The following PHKA1 variants were observed in gnomAD, a reference collection of about 807,000 sequenced individuals.
PHKA1 encodes phosphorylase b kinase regulatory subunit alpha, skeletal muscle isoform.
In PHKA1, 60 loss-of-function variants were observed where a neutral mutation model predicts 110.2. The observed-to-expected ratio is 0.54, with a 90% CI of 0.44 to 0.68. PHKA1 has a LOEUF of 0.68. Among genes scored for constraint, PHKA1 ranks in the 30% least tolerant of loss-of-function variants. The pLI is 0.00. For synonymous variants in PHKA1, 316 were observed against 333.6 expected, an observed-to-expected ratio of 0.95 and a Z score of 0.58; for missense variants, 801 against 942.5, an observed-to-expected ratio of 0.85 and a Z score of 1.97.
chrX:72,618,563 C>A (rs1273047568), intron 21 of PHKA1, 147 bp downstream of exon 21: 5 of 475,690 alleles, frequency 1.1e-5, no homozygotes, highest in Admixed American at 3.3e-5. Flanking sequence ...ATGAGGACAA[C>A]TGAGGGTTTG....
At position 72,580,771 on chromosome X, in the gene PHKA1, T is replaced by A. The variant is rs374264624; in HGVS notation, c.*231A>T. ...GCCAATCATGACAGGCCTGGCTGAG[T>A]GTTCATTATACTCATAAGATTGTCA... On this transcript the variant is annotated 3_prime_UTR_variant, in exon 32 of 32. Transcript: ENST00000373542. 1,516 of 430,941 alleles carry A rather than the reference T, an allele frequency of 3.5e-3. 7 individuals are homozygous for A. Among genetic ancestry groups the A allele is most frequent in the Middle Eastern group, 6.3e-3 (10 of 1,581 alleles). The allele number at this position is 430,941 out of a possible 1,213,427, so 35.5% of individuals were successfully genotyped here.
At chrX:72,619,150 T>A in intron 20 of PHKA1, 64 bp downstream of exon 20, 1 of 685,494 alleles carries the variant, frequency 1.5e-6, no homozygotes, top group Non-Finnish European at 2.4e-6. Flanking sequence ...ACTAGTCCTA[T>A]TATTTCCCAT....
At chrX:72,681,680 A>G (rs1556315510) in intron 5 of PHKA1, among the ~76,000 whole-genome samples, 4 of 82,985 alleles carry the variant, frequency 4.8e-5, no homozygotes, top group African/African-American at 9.5e-5. Flanking sequence ...TGGGGGGGTC[A>G]GCCCCCCACC....
chrX:72,666,740 G>C, intron 7 of PHKA1, among the ~76,000 whole-genome samples: 1 of 111,988 alleles, frequency 8.9e-6, no homozygotes, highest in Middle Eastern at 4.6e-3. Flanking sequence ...AAGCAGGATA[G>C]GGAAGGCTCA....
rs1351723248 is a variant in PHKA1 at position 72,581,172 on chromosome X, T to A, written c.3502A>T (p.Thr1168Ser). The A allele has an allele frequency of 8.5e-7, 1 of 1,179,654 alleles. No individual in the cohort carries two copies. The highest frequency in any genetic ancestry group is 1.8e-5 in the African/African-American group (1 of 56,098). The change falls in exon 32 of 32, where the codon ACC becomes TCC. Residue 1168 changes from threonine (T) to serine (S), a missense_variant. By Grantham distance (58) the Thr-to-Ser change is moderately conservative. Around this residue, in one of 2 missense-constraint regions of PHKA1, gnomAD observed 502 missense variants for 519.2 expected, o/e 0.97. Coordinates refer to ENST00000373542, the MANE Select transcript of PHKA1 (RefSeq NM_002637.4). ...AACATGGTATCATCTGCGCCAAGGG[T>A]TTTCTGTTTGGTTTTTAAGGGTAGA... ...ANDLFLQEQKTLGADDTMLAK... is the reference protein window; with the variant it reads ...ANDLFLQEQKSLGADDTMLAK...
At chrX:72,591,277 C>A (rs1556224667) in intron 29 of PHKA1, among the ~76,000 whole-genome samples, 1 of 111,553 alleles carries the variant, frequency 9.0e-6, no homozygotes, top group African/African-American at 3.3e-5. Flanking sequence ...ATAGACGAAG[C>A]TGGAGACCAT....
chrX:72,618,794 T>G lies in PHKA1; in HGVS notation c.2285A>C (p.Asp762Ala). The G allele has an allele frequency of 8.4e-7, 1 of 1,196,997 alleles. No individual in the cohort carries two copies. Among genetic ancestry groups the G allele is most frequent in the Non-Finnish European group, 1.1e-6 (1 of 882,166 alleles). The change falls in exon 21 of 32, where the codon GAC becomes GCC. Residue 762 changes from aspartate to alanine, a missense_variant. Around this residue, in one of 2 missense-constraint regions of PHKA1, gnomAD observed 502 missense variants for 519.2 expected, o/e 0.97. Transcript: ENST00000373542. Reference protein sequence around the residue: ...HLPRDQSGEVDFKALVLQLKE... With the variant: ...HLPRDQSGEVAFKALVLQLKE... ...CAACTGTAAAACCAGTGCTTTAAAG[T>G]CCACCTCCCCAGACTGGTCTCTAGG...
intron 10 of PHKA1, among the ~76,000 whole-genome samples, chrX:72,655,751 TA>T (rs1556301013): frequency 2.8e-4 from 31 of 110,747 alleles, no homozygotes; most frequent in Non-Finnish European, 4.9e-4. Context: ...GCCTCCCGAG[TA>T]GCTGGGACTA....
chrX:72,685,180 CA>C (rs2053953908), intron 4 of PHKA1, among the ~76,000 whole-genome samples: 1 of 111,490 alleles, frequency 9.0e-6, no homozygotes, highest in Non-Finnish European at 1.9e-5. Context: ...ATGTAACTAA[CA>C]AATAGTGGAA....
At chrX:72,637,037 T>C (rs1383807381) in intron 14 of PHKA1, among the ~76,000 whole-genome samples, 1 of 111,858 alleles carries the variant, frequency 8.9e-6, no homozygotes, top group African/African-American at 3.3e-5. Context: ...TTTTTGTTTC[T>C]ATTTAATACT....
At chrX:72,633,562 T>G (rs1217179696) in intron 16 of PHKA1, among the ~76,000 whole-genome samples, 1 of 111,977 alleles carries the variant, frequency 8.9e-6, no homozygotes, top group African/African-American at 3.2e-5. Flanking sequence ...TATCTAGTTA[T>G]CCAATATCTG....
chrX:72,605,235 G>C (rs1556248919), intron 25 of PHKA1, 36 bp downstream of exon 25: 2 of 1,145,103 alleles, frequency 1.7e-6, no homozygotes, highest in Non-Finnish European at 2.4e-6. Context: ...TACATCAAAA[G>C]TGAATTCCAC....
chrX:72,686,469 A>G (rs1466449876), intron 4 of PHKA1, among the ~76,000 whole-genome samples: 1 of 112,206 alleles, frequency 8.9e-6, no homozygotes, highest in Admixed American at 9.4e-5. Context: ...CATCTGTCTC[A>G]TTTTTTTAAT....
intron 14 of PHKA1, among the ~76,000 whole-genome samples, chrX:72,638,615 C>G (rs782174736): frequency 9.0e-6 from 1 of 110,826 alleles, no homozygotes; most frequent in South Asian, 3.9e-4. Flanking sequence ...ATAAGCAGAT[C>G]TTCTTAGCCC....
chrX:72,704,418 A>C (rs1166858932), intron 3 of PHKA1, among the ~76,000 whole-genome samples: 2 of 111,563 alleles, frequency 1.8e-5, no homozygotes, highest in African/African-American at 6.5e-5. Context: ...CTAGACCCGC[A>C]GAAGGCATAA....
At chrX:72,679,460 C>A (rs1556313207) in intron 5 of PHKA1, among the ~76,000 whole-genome samples, 2 of 109,423 alleles carry the variant, frequency 1.8e-5, no homozygotes, top group East Asian at 5.7e-4. Flanking sequence ...GAAAATATAG[C>A]CCATAATGAG....
chrX:72,649,938 G>C (rs1363449386), intron 13 of PHKA1, among the ~76,000 whole-genome samples: 1 of 108,000 alleles, frequency 9.3e-6, no homozygotes, highest in Admixed American at 1.0e-4. Flanking sequence ...GTTGCAGTGA[G>C]CCGAGATTGC....
intron 23 of PHKA1, among the ~76,000 whole-genome samples, chrX:72,607,538 T>C (rs1556253639): frequency 8.9e-6 from 1 of 112,117 alleles, no homozygotes; most frequent in African/African-American, 3.2e-5. Context: ...GAAATGTCTA[T>C]TCAGACCATT....
At chrX:72,644,236 AG>A in intron 14 of PHKA1, 125 bp downstream of exon 14, 1 of 766,275 alleles carries the variant, frequency 1.3e-6, no homozygotes, top group Admixed American at 2.7e-5. Context: ...TGGATTCTAG[AG>A]ACTCTAAATT....
Sources: gnomAD v4.1 joint callset for allele counts (sites outside exome capture counted in the v4.1 genomes callset) on GRCh38, gnomAD v4.1.1 for gene constraint, gnomAD v4.1.1 regional missense constraint, MANE v1.5 for transcripts, NCBI Gene and HGNC (gene_info 2026-07-23, HGNC 2026-07-21) for gene names.